The following NRP1 variants were observed in gnomAD, a reference collection of about 807,000 sequenced individuals.
NRP1 encodes neuropilin-1.
Under a neutral mutation model 106.7 loss-of-function variants are expected in NRP1, and 35 were observed. The ratio of observed to expected loss-of-function variants is 0.33; its 90% CI spans 0.25 to 0.43. The LOEUF (loss-of-function observed/expected upper bound fraction) is 0.43, where lower values mean the gene tolerates loss of function less well. Among genes scored for constraint, NRP1 ranks in the 20% least tolerant of loss-of-function variants. NRP1 has a pLI of 1.00. For synonymous variants in NRP1, 437 were observed against 417.9 expected, an observed-to-expected ratio of 1.05 and a Z score of -0.56; for missense variants, 1,024 against 1,170.4, an observed-to-expected ratio of 0.87 and a Z score of 1.83.
intron 2 of NRP1, among the ~76,000 whole-genome samples, chr10:33,294,832 A>G (rs1190748994): frequency 6.6e-6 from 1 of 152,126 alleles, no homozygotes. Context: ...GGATTACCCT[A>G]GAAGATCTCT....
chr10:33,251,249 C>A (rs1841835866), intron 6 of NRP1, among the ~76,000 whole-genome samples: 1 of 152,104 alleles, frequency 6.6e-6, no homozygotes, highest in Non-Finnish European at 1.5e-5. Context: ...GCCTGCTTCC[C>A]CTTCTGCCAT....
intron 3 of NRP1, among the ~76,000 whole-genome samples, chr10:33,270,438 C>T (rs537812146): frequency 7.9e-5 from 12 of 151,950 alleles, no homozygotes; most frequent in African/African-American, 1.9e-4. Flanking sequence ...GTGATTCTCC[C>T]GCCTTAGCCT....
intron 1 of NRP1, 114 bp from the exon 2 acceptor site, chr10:33,330,996 A>G (rs1848246463): frequency 3.4e-6 from 3 of 877,912 alleles, no homozygotes; most frequent in Middle Eastern, 3.2e-4. Flanking sequence ...GGGGAACTCT[A>G]AAAGGTCCCC....
chr10:33,301,021 C>T (rs1469273559), intron 2 of NRP1, among the ~76,000 whole-genome samples: 2 of 152,182 alleles, frequency 1.3e-5, no homozygotes, highest in Non-Finnish European at 2.9e-5. Context: ...ATACTGGCTG[C>T]ACCCCTTTCC....
chr10:33,299,264 A>G (rs1202787933), intron 2 of NRP1, among the ~76,000 whole-genome samples: 1 of 151,950 alleles, frequency 6.6e-6, no homozygotes, highest in Non-Finnish European at 1.5e-5. Context: ...CCTTAGAACT[A>G]CCTATCTTCT....
chr10:33,199,892 T>C (rs1476075405), intron 11 of NRP1, among the ~76,000 whole-genome samples: 7 of 152,144 alleles, frequency 4.6e-5, no homozygotes, highest in Admixed American at 4.6e-4. Flanking sequence ...ATGTTACATA[T>C]CCATAGCATG....
At chr10:33,263,359 ATG>A (rs1391333557) in intron 4 of NRP1, among the ~76,000 whole-genome samples, 2 of 152,206 alleles carry the variant, frequency 1.3e-5, no homozygotes, top group East Asian at 3.9e-4. Flanking sequence ...GAGAAAAACT[ATG>A]TGTTTGTCTC....
chr10:33,185,442 C>A (rs906570886), intron 15 of NRP1, among the ~76,000 whole-genome samples, 186 bp downstream of exon 15: 5 of 152,148 alleles, frequency 3.3e-5, no homozygotes, highest in Admixed American at 2.6e-4. Flanking sequence ...GGGTAGGTGA[C>A]GGGGCAGACA....
At chr10:33,332,382 C>G (rs142345272) in intron 1 of NRP1, among the ~76,000 whole-genome samples, 105 of 152,290 alleles carry the variant, frequency 6.9e-4, no homozygotes, top group African/African-American at 2.3e-3. Context: ...GTGCAGAAAA[C>G]TTGGAAAGTG....
intron 10 of NRP1, 92 bp downstream of exon 10, chr10:33,207,480 T>A: frequency 2.2e-6 from 3 of 1,357,390 alleles, no homozygotes; most frequent in African/African-American, 1.5e-5. Flanking sequence ...GGGAAAAGGG[T>A]AGGCAATTTG....
intron 2 of NRP1, among the ~76,000 whole-genome samples, chr10:33,305,236 T>C (rs968131686): frequency 3.9e-5 from 6 of 152,262 alleles, no homozygotes; most frequent in African/African-American, 1.2e-4. Context: ...AAAAAATTTT[T>C]GTGCACCTTT....
chr10:33,240,462 A>T (rs1358566187), intron 6 of NRP1, among the ~76,000 whole-genome samples: 1 of 152,218 alleles, frequency 6.6e-6, no homozygotes, highest in Non-Finnish European at 1.5e-5. Context: ...GCAGTTAATC[A>T]TGGCTTTAAT....
intron 2 of NRP1, among the ~76,000 whole-genome samples, chr10:33,294,151 A>T (rs773247072): frequency 6.6e-6 from 1 of 152,184 alleles, no homozygotes; most frequent in African/African-American, 2.4e-5. Context: ...GTGCAGTTTT[A>T]TGTCATGGTG....
Position 33,179,702 on chromosome 10 carries a change from G to T in NRP1, c.*374C>A. 1 of 200,432 alleles carries T rather than the reference G, an allele frequency of 5.0e-6. No homozygotes were observed. Among genetic ancestry groups the T allele is most frequent in the Non-Finnish European group, 1.0e-5 (1 of 98,132 alleles). The allele number at this position is 200,432 out of a possible 1,614,324, so 12.4% of individuals were successfully genotyped here. On this transcript the variant is annotated 3_prime_UTR_variant, in exon 17 of 17. Transcript: ENST00000374867. ...AGCATGTCCATCCAAAGGGCCACAC[G>T]GAATACGCTTGGTGCCAGCATCTTG...
chr10:33,221,568 A>G (rs975683741), intron 8 of NRP1, 151 bp downstream of exon 8: 6 of 942,662 alleles, frequency 6.4e-6, no homozygotes, highest in South Asian at 1.9e-5. Context: ...TTGAACTCGG[A>G]TTTGTCTAAA....
At chr10:33,332,082 A>G (rs548786933) in intron 1 of NRP1, among the ~76,000 whole-genome samples, 1 of 152,294 alleles carries the variant, frequency 6.6e-6, no homozygotes, top group South Asian at 2.1e-4. Flanking sequence ...GAAATGAAAG[A>G]TGAAGTGCAC....
At chr10:33,192,913 C>T (rs1252884358) in intron 12 of NRP1, among the ~76,000 whole-genome samples, 1 of 152,166 alleles carries the variant, frequency 6.6e-6, no homozygotes, top group Admixed American at 6.5e-5. Flanking sequence ...TCCACCTCAC[C>T]AGTTCATGCT....
intron 2 of NRP1, among the ~76,000 whole-genome samples, chr10:33,314,750 T>A (rs1398025590): frequency 6.6e-6 from 1 of 152,156 alleles, no homozygotes; most frequent in Non-Finnish European, 1.5e-5. Flanking sequence ...CTGGGCTAGT[T>A]CCTCCAAGTA....
intron 2 of NRP1, among the ~76,000 whole-genome samples, chr10:33,307,426 C>T (rs1846246271): frequency 6.6e-6 from 1 of 152,080 alleles, no homozygotes; most frequent in African/African-American, 2.4e-5. Flanking sequence ...AAAATATTTC[C>T]TATCTGGCCG....
Sources: gnomAD v4.1 joint callset for allele counts (sites outside exome capture counted in the v4.1 genomes callset) on GRCh38, gnomAD v4.1.1 for gene constraint, MANE v1.5 for transcripts, NCBI Gene and HGNC (gene_info 2026-07-23, HGNC 2026-07-21) for gene names.